PID1: variants seen among roughly 807,000 people sequenced by gnomAD.
The protein encoded by PID1 is PTB-containing, cubilin and LRP1-interacting protein.
PID1 carries 10 observed loss-of-function variants against 19.1 expected under a neutral mutation model. The ratio of observed to expected loss-of-function variants is 0.52; its 90% CI spans 0.32 to 0.89. PID1 has a LOEUF of 0.89. Among genes scored for constraint, PID1 ranks in the 40% least tolerant of loss-of-function variants. The pLI, the probability that PID1 is intolerant of heterozygous loss-of-function variation, is 0.03. For missense variants in PID1, 248 were observed against 285.3 expected (o/e 0.87, Z 0.94); for synonymous variants, 130 against 116.0 (o/e 1.12, Z -0.78).
rs1205300485 is a variant in PID1 at position 229,155,989 on chromosome 2, A to G, written c.31-25T>C. On this transcript the variant is annotated intron_variant, in intron 1 of 2. Transcript: ENST00000392055. ...GCTGAAAAGCAGAAAAATAAGCCAC[A>G]TGTAGTTTAATCACTTGGACTTTTA... The G allele has an allele frequency of 3.7e-6, 6 of 1,606,864 alleles. No homozygotes were observed. In the South Asian group the frequency reaches 5.5e-5, roughly 15 times the overall value.
intron 2 of PID1, among the ~76,000 whole-genome samples, chr2:229,057,263 C>G (rs145738768): frequency 0.017 from 2,596 of 152,022 alleles, 69 homozygotes; most frequent in African/African-American, 0.059. Context: ...CATGGTGAAA[C>G]CCCATCTCTA....
At position 229,024,593 on chromosome 2, in the gene PID1, GTATC is replaced by G. The variant is rs2106159027; in HGVS notation, c.*1035_*1038del. Reference sequence around the variant, plus strand: ...AAGCCAAGTTTATCTAACTCATTCTGTATCTAAGTGCAATGCTGAGTGATGGGGG... The same window carrying G: ...AAGCCAAGTTTATCTAACTCATTCTGTAAGTGCAATGCTGAGTGATGGGGG... On this transcript the variant is annotated 3_prime_UTR_variant, in exon 3 of 3. Coordinates refer to ENST00000392055, the MANE Select transcript of PID1 (RefSeq NM_001100818.2). 1 of 152,748 alleles carries G rather than the reference GTATC, an allele frequency of 6.5e-6. No homozygotes were observed. The highest frequency in any genetic ancestry group is 2.1e-4 in the South Asian group (1 of 4,828). 9.5% of individuals were successfully genotyped at this position (152,748 alleles called of 1,614,324 possible). A position where few individuals can be genotyped will look rare whatever the true frequency, so the allele number is the denominator to read the frequency against.
chr2:229,146,825 T>G (rs189512282), intron 2 of PID1, among the ~76,000 whole-genome samples: 36 of 152,230 alleles, frequency 2.4e-4, no homozygotes, highest in African/African-American at 7.0e-4. Flanking sequence ...GAAGGCAATG[T>G]GACCACCATG....
intron 1 of PID1, among the ~76,000 whole-genome samples, chr2:229,219,703 A>T (rs886818750): frequency 2.0e-5 from 3 of 150,934 alleles, no homozygotes; most frequent in Admixed American, 1.3e-4. Context: ...CACCTGGCTA[A>T]TTTTTTTTTA....
rs138611873 is a variant in PID1 at position 229,177,526 on chromosome 2, CCTT to C, written c.31-21565_31-21563del. On this transcript the variant is annotated intron_variant, in intron 1 of 2. Transcript: ENST00000392055. ...TTCATCACATCTCTTTTCTCCCCCT[CCTT>C]ATTTGCACTGATTTCAACATGTCTG... 2.3e-3 allele frequency among the ~76,000 whole-genome samples: 346 copies of C among 152,256 alleles called. 2 individuals carry two copies. The highest frequency in any genetic ancestry group is 7.3e-3 in the African/African-American group (302 of 41,554).
At chr2:229,190,393 A>T (rs184594765) in intron 1 of PID1, among the ~76,000 whole-genome samples, 2 of 152,340 alleles carry the variant, frequency 1.3e-5, no homozygotes, top group African/African-American at 4.8e-5. Context: ...GTCTATCCCA[A>T]TGGAATTCCT....
At chr2:229,068,236 C>T (rs566439903) in intron 2 of PID1, among the ~76,000 whole-genome samples, 17 of 152,212 alleles carry the variant, frequency 1.1e-4, no homozygotes, top group African/African-American at 3.1e-4. Context: ...CTGGGGAGGA[C>T]TCAGTGTGGC....
chr2:229,074,140 A>G (rs953858867), intron 2 of PID1, among the ~76,000 whole-genome samples: 2 of 152,204 alleles, frequency 1.3e-5, no homozygotes, highest in Admixed American at 1.3e-4. Context: ...GGCAAGTCAG[A>G]TGGTAAACCT....
chr2:229,148,191 T>C (rs553110732), intron 2 of PID1, among the ~76,000 whole-genome samples: 46 of 152,340 alleles, frequency 3.0e-4, no homozygotes, highest in Non-Finnish European at 5.9e-4. Context: ...TAAAGAGCTT[T>C]GCCAAAGCCA....
intron 1 of PID1, among the ~76,000 whole-genome samples, chr2:229,170,075 T>C (rs1429946586): frequency 6.6e-6 from 1 of 152,198 alleles, no homozygotes. Context: ...CGCTTAGAAC[T>C]ATGAAACGGA....
intron 1 of PID1, among the ~76,000 whole-genome samples, chr2:229,256,880 G>C (rs980821731): frequency 1.3e-5 from 2 of 152,124 alleles, no homozygotes; most frequent in South Asian, 2.1e-4. Flanking sequence ...TTATTTTTAA[G>C]TTGAGAAAAT....
At chr2:229,228,874 GT>G (rs1219009931) in intron 1 of PID1, among the ~76,000 whole-genome samples, 2 of 152,132 alleles carry the variant, frequency 1.3e-5, no homozygotes, top group Non-Finnish European at 2.9e-5. Flanking sequence ...CAACACAGGA[GT>G]TTTGAAGCCT....
chr2:229,119,625 AC>A (rs1695478114), intron 2 of PID1, among the ~76,000 whole-genome samples: 1 of 152,228 alleles, frequency 6.6e-6, no homozygotes, highest in Admixed American at 6.5e-5. Flanking sequence ...CAGCATATAC[AC>A]AAAAAATCAA....
chr2:229,089,882 G>T (rs1409015366), intron 2 of PID1, among the ~76,000 whole-genome samples: 1 of 152,154 alleles, frequency 6.6e-6, no homozygotes, highest in Admixed American at 6.5e-5. Flanking sequence ...GATAAATGAG[G>T]CCAGAGAGTA....
intron 2 of PID1, among the ~76,000 whole-genome samples, chr2:229,061,183 C>T (rs1694205591): frequency 6.6e-6 from 1 of 152,048 alleles, no homozygotes; most frequent in Non-Finnish European, 1.5e-5. Flanking sequence ...TTTGCCCAGA[C>T]AAATGTCGTA....
chr2:229,267,027 C>A (rs1164638051), intron 1 of PID1, among the ~76,000 whole-genome samples: 2 of 152,094 alleles, frequency 1.3e-5, no homozygotes, highest in Admixed American at 6.5e-5. Context: ...GAAGAAAAAT[C>A]TAGAACGATC....
intron 2 of PID1, among the ~76,000 whole-genome samples, chr2:229,147,068 A>G (rs1281018399): frequency 6.6e-6 from 1 of 152,180 alleles, no homozygotes; most frequent in Admixed American, 6.5e-5. Context: ...GCAAACCAGT[A>G]TGTCATTCTT....
intron 1 of PID1, 110 bp from the exon 2 acceptor site, chr2:229,156,074 G>C: frequency 1.1e-6 from 1 of 924,538 alleles, no homozygotes; most frequent in Non-Finnish European, 1.6e-6. Context: ...TGTTCTATTA[G>C]GGGAGGCCAA....
At chr2:229,079,172 G>C (rs1214490281) in intron 2 of PID1, among the ~76,000 whole-genome samples, 1 of 152,146 alleles carries the variant, frequency 6.6e-6, no homozygotes, top group African/African-American at 2.4e-5. Context: ...ACTCATCAAA[G>C]ACCAGGATGA....
Sources: allele counts gnomAD v4.1 joint callset (sites outside exome capture counted in the v4.1 genomes callset), GRCh38; gene constraint gnomAD v4.1.1; transcripts MANE v1.5; gene names NCBI Gene and HGNC (gene_info 2026-07-23, HGNC 2026-07-21).